Variants in GRK1 observed in about 807,000 individuals in gnomAD.
GRK1 encodes the protein rhodopsin kinase GRK1.
A neutral mutation model predicts 41.7 loss-of-function variants in GRK1; 28 were observed. The observed-to-expected ratio is 0.67, with a 90% CI of 0.50 to 0.92. The LOEUF (loss-of-function observed/expected upper bound fraction) is 0.92, where lower values mean the gene tolerates loss of function less well. Among genes scored for constraint, GRK1 ranks in the 40% least tolerant of loss-of-function variants. The pLI is 0.00. For missense variants in GRK1, 703 were observed against 671.2 expected (o/e 1.05, Z -0.52); for synonymous variants, 327 against 286.7 (o/e 1.14, Z -1.42).
chr13:113,662,444 A>G (rs1270189087), upstream of GRK1, among the ~76,000 whole-genome samples: 5 of 152,272 alleles, frequency 3.3e-5, no homozygotes, highest in Non-Finnish European at 7.3e-5. Context: ...TGGAAGTTCT[A>G]GCTAGAGCAA....
At chr13:113,663,722 G>A (rs1354689108), upstream of GRK1, among the ~76,000 whole-genome samples, 1 of 152,174 alleles carries the variant, frequency 6.6e-6, no homozygotes, top group Non-Finnish European at 1.5e-5. Context: ...TCCACCATTA[G>A]GGAAATGTAA....
chr13:113,730,325 C>T (rs1037314647), intron 4 of GRK1, among the ~76,000 whole-genome samples: 1 of 144,118 alleles, frequency 6.9e-6, no homozygotes, highest in Non-Finnish European at 1.5e-5. Flanking sequence ...CCGACAGTCC[C>T]CCAGTCCCCG....
chr13:113,649,783 T>G, the GRK1 span, among the ~76,000 whole-genome samples: 3 of 152,106 alleles, frequency 2.0e-5, no homozygotes, highest in Non-Finnish European at 4.4e-5. This position sits in a 1 kb window ranked among gnomAD's most constrained non-coding sequence, Gnocchi z 4.7. Flanking sequence ...CTTACGATGA[T>G]TAACGTAAAA....
intron 2 of GRK1, 140 bp downstream of exon 2, chr13:113,669,954 C>A (rs2049845910): frequency 2.0e-6 from 2 of 1,016,096 alleles, no homozygotes; most frequent in East Asian, 5.3e-5. Flanking sequence ...CCATCACAAT[C>A]CCCTTCTCGC....
chr13:113,653,961 G>A, the GRK1 span, among the ~76,000 whole-genome samples: 3 of 152,200 alleles, frequency 2.0e-5, no homozygotes, highest in African/African-American at 7.2e-5. Context: ...CACAGATGCA[G>A]AAACGTGTGT....
chr13:113,652,249 C>T, the GRK1 span, among the ~76,000 whole-genome samples: 5 of 152,246 alleles, frequency 3.3e-5, no homozygotes, highest in African/African-American at 7.2e-5. Context: ...CTGGGACCCC[C>T]GTCACAGCCC....
In GRK1 at chr13:113,733,703, GCGTGTGTGCGCA is replaced by G. The variant is rs1396914392; in HGVS notation, c.1396+627_1396+638del. On this transcript the variant is annotated intron_variant, in intron 6 of 6. Transcript: ENST00000335678. ...TGCATGTATGTGTGCATACATGTGT[GCGTGTGTGCGCA>G]CGTGTGTGTGCGCGCGTGTGTATGT... is the stretch of plus-strand genomic sequence containing the variant. 3.9e-4 allele frequency among the ~76,000 whole-genome samples: 58 copies of G among 148,118 alleles called. No individual in the cohort carries two copies. The South Asian group carries it at 0.012, about 31-fold the overall frequency.
intron 4 of GRK1, among the ~76,000 whole-genome samples, chr13:113,730,856 A>C (rs1209057240): frequency 1.3e-5 from 2 of 152,220 alleles, no homozygotes; most frequent in African/African-American, 4.8e-5. Flanking sequence ...GAAAATTCAA[A>C]AGAGAATGAT....
At position 113,732,887 on chromosome 13, in the gene GRK1, G is replaced by A. The variant is rs2049947315; in HGVS notation, c.1198G>A (p.Glu400Lys). The A allele has an allele frequency of 2.0e-6, 3 of 1,536,450 alleles. No homozygotes were observed. The highest frequency in any genetic ancestry group is 2.0e-5 in the Admixed American group (1 of 50,982). Residue 400 changes from glutamate (E) to lysine (K), a missense_variant, in exon 6 of 7, where the codon GAG (glutamate) becomes AAG (lysine). By Grantham distance (56) the Glu-to-Lys change is moderately conservative (BLOSUM62 1). Coordinates refer to ENST00000335678, the MANE Select transcript of GRK1 (RefSeq NM_002929.3). ...GPFRARGEKV[E>K]NKELKHRIIS... ...AAGGCTACGCGTGTCCCCACAGGTG[G>A]AGAACAAGGAGCTGAAGCACCGGAT... is the stretch of plus-strand genomic sequence containing the variant.
chr13:113,733,471 G>C lies in GRK1; in HGVS notation c.1396+386G>C, dbSNP rs578158094. Among the ~76,000 whole-genome samples the C allele has an allele frequency of 2.0e-5, 3 of 147,482 alleles. No individual in the cohort carries two copies. In the East Asian group the frequency reaches 6.2e-4, roughly 31 times the overall value. On this transcript the variant is annotated intron_variant, in intron 6 of 6. Transcript: ENST00000335678. Reference sequence around the variant, plus strand: ...CAGCACTTGCTTGACAAGTGGATGCGGAAGATACTATGTGCGCGCGTGTGT... The same window carrying C: ...CAGCACTTGCTTGACAAGTGGATGCCGAAGATACTATGTGCGCGCGTGTGT...
At chr13:113,658,073 C>T in the GRK1 span, 19 of 1,611,058 alleles carry the variant, frequency 1.2e-5, no homozygotes, top group Admixed American at 8.4e-5. Flanking sequence ...GCCCCGTGTC[C>T]GGGTTCCAGC....
intron 5 of GRK1, among the ~76,000 whole-genome samples, chr13:113,732,600 T>C (rs1264301077): frequency 6.6e-6 from 1 of 152,202 alleles, no homozygotes; most frequent in Non-Finnish European, 1.5e-5. Context: ...TGGCCTTCAG[T>C]TTCCTATCTT....
the GRK1 span, chr13:113,658,191 C>T: frequency 6.4e-7 from 1 of 1,553,458 alleles, no homozygotes; most frequent in Non-Finnish European, 8.8e-7. Flanking sequence ...ACCCTCTACG[C>T]CCAGACTGAG....
chr13:113,734,944 C>G, intron 6 of GRK1, 124 bp from the exon 7 acceptor site: 2 of 992,898 alleles, frequency 2.0e-6, no homozygotes, highest in Non-Finnish European at 2.8e-6. Context: ...ACGACACTTC[C>G]CTAAGGAAGA....
chr13:113,732,763 G>A, intron 5 of GRK1, 121 bp from the exon 6 acceptor site: 1 of 982,106 alleles, frequency 1.0e-6, no homozygotes, highest in Non-Finnish European at 1.5e-6. Flanking sequence ...AGGGGCACAA[G>A]GCCTCATGGG....
In GRK1 at chr13:113,732,886, G is replaced by A. The variant is rs1362471321; in HGVS notation, c.1197G>A (p.Val399=). Residue 399 remains valine (V), a splice_region_variant and synonymous_variant, in exon 6 of 7, where the codon GTG becomes GTA. Transcript: ENST00000335678. ...RGPFRARGEK[V]ENKELKHRII... is the part of the protein sequence containing the mutation. ...TAAGGCTACGCGTGTCCCCACAGGT[G>A]GAGAACAAGGAGCTGAAGCACCGGA... 6.5e-7 allele frequency: 1 copy of A among 1,536,528 alleles called. No individual in the cohort carries two copies. The highest frequency in any genetic ancestry group is 2.4e-5 in the East Asian group (1 of 40,900).
At chr13:113,672,223 G>A (rs959330316) in intron 3 of GRK1, among the ~76,000 whole-genome samples, 3 of 150,908 alleles carry the variant, frequency 2.0e-5, no homozygotes, top group African/African-American at 7.3e-5. Context: ...GTGTGTGTGT[G>A]GCATATGGTG....
upstream of GRK1, among the ~76,000 whole-genome samples, chr13:113,666,214 GT>G (rs1431475340): frequency 2.0e-5 from 3 of 150,868 alleles, no homozygotes; most frequent in Admixed American, 6.6e-5. Context: ...TGCCCCCGCT[GT>G]CCCAGGTGTG....
chr13:113,655,740 G>A, the GRK1 span, among the ~76,000 whole-genome samples: 1 of 152,242 alleles, frequency 6.6e-6, no homozygotes, highest in Non-Finnish European at 1.5e-5. Flanking sequence ...TGGAAAGTCT[G>A]TAATGAACTG....
Sources: allele counts gnomAD v4.1 joint callset (sites outside exome capture counted in the v4.1 genomes callset), GRCh38; gene constraint gnomAD v4.1.1; non-coding constraint Gnocchi (gnomAD v3.1); transcripts MANE v1.5; gene names NCBI Gene and HGNC (gene_info 2026-07-23, HGNC 2026-07-21).